Variants in LIN7A observed in about 807,000 individuals in gnomAD.
LIN7A encodes the protein lin-7 cell polarity scaffold A, also known as protein lin-7 homolog A.
Under a neutral mutation model 29.8 loss-of-function variants are expected in LIN7A, and 25 were observed. The observed-to-expected ratio is 0.84, with a 90% CI of 0.61 to 1.17. LIN7A has a LOEUF of 1.17. Ranked by LOEUF, LIN7A falls within the 50% of genes most tolerant of loss-of-function variation. LIN7A has a pLI of 0.00. For missense variants in LIN7A, 239 were observed against 287.0 expected (o/e 0.83, Z 1.21); for synonymous variants, 118 against 107.5 (o/e 1.10, Z -0.60).
chr12:80,869,760 T>C (rs1431305194), intron 2 of LIN7A, among the ~76,000 whole-genome samples: 4 of 150,538 alleles, frequency 2.7e-5, no homozygotes, highest in African/African-American at 1.0e-4. Context: ...TTTTTTTTTT[T>C]TCTTTTTTTG....
intron 1 of LIN7A, among the ~76,000 whole-genome samples, chr12:80,927,060 C>T (rs1377006437): frequency 2.0e-5 from 3 of 151,012 alleles, no homozygotes; most frequent in African/African-American, 7.3e-5. Flanking sequence ...TATCTTTCAT[C>T]ACATGCCTTT....
intron 1 of LIN7A, among the ~76,000 whole-genome samples, chr12:80,896,760 CA>C (rs1376773812): frequency 6.6e-6 from 1 of 151,958 alleles, no homozygotes; most frequent in Non-Finnish European, 1.5e-5. Flanking sequence ...AAGTGTATCA[CA>C]AAAAAAGTCT....
intron 2 of LIN7A, among the ~76,000 whole-genome samples, chr12:80,855,226 T>G (rs1873538851): frequency 6.6e-6 from 1 of 151,978 alleles, no homozygotes; most frequent in Non-Finnish European, 1.5e-5. Flanking sequence ...TCAGAGCAAA[T>G]GAAAGGACAC....
chr12:80,927,763 G>T (rs944651427), intron 1 of LIN7A, among the ~76,000 whole-genome samples: 2 of 152,026 alleles, frequency 1.3e-5, no homozygotes, highest in Non-Finnish European at 2.9e-5. Flanking sequence ...CAATGTGCAG[G>T]TTTGTTACAT....
chr12:80,924,779 A>G (rs1877494160), intron 1 of LIN7A, among the ~76,000 whole-genome samples: 1 of 152,202 alleles, frequency 6.6e-6, no homozygotes, highest in African/African-American at 2.4e-5. Context: ...TGATATCTGT[A>G]TATGATTAGC....
intron 2 of LIN7A, among the ~76,000 whole-genome samples, chr12:80,870,231 G>T (rs1874359682): frequency 1.3e-5 from 2 of 152,142 alleles, no homozygotes. Flanking sequence ...ATTATAAAAA[G>T]CTGGTCCTTC....
Position 80,845,941 on chromosome 12 carries a change from T to TA in LIN7A, c.274-3_274-2insT, listed in dbSNP as rs1565899626. 15 of 1,508,884 alleles carry TA rather than the reference T, an allele frequency of 9.9e-6. No individual in the cohort carries two copies. Among genetic ancestry groups the TA allele is most frequent in the Admixed American group, 4.7e-5 (2 of 42,892 alleles). The allele number at this position is 1,508,884 out of a possible 1,614,324, so 93.5% of individuals were successfully genotyped here. A position where few individuals can be genotyped will look rare whatever the true frequency, so the allele number is the denominator to read the frequency against. On this transcript the variant is annotated splice_region_variant and splice_polypyrimidine_tract_variant and intron_variant, in intron 3 of 5. Transcript: ENST00000552864. The stretch of plus-strand genomic sequence containing the variant: ...AGCTGCAAAAGCTGCAACTGTTGCC[T>TA]GAAAAAAAAAAAAAAAGATGGTCTT...
intron 4 of LIN7A, among the ~76,000 whole-genome samples, chr12:80,825,383 A>ATG (rs1311606985): frequency 1.3e-5 from 2 of 152,234 alleles, no homozygotes; most frequent in African/African-American, 4.8e-5. Context: ...CTGGTTTAAA[A>ATG]TGTGAAACTA....
At chr12:80,874,365 C>T (rs1267766905) in intron 2 of LIN7A, among the ~76,000 whole-genome samples, 2 of 152,118 alleles carry the variant, frequency 1.3e-5, no homozygotes, top group Non-Finnish European at 2.9e-5. Flanking sequence ...AAAGTTTGGA[C>T]TTAAAAATAC....
chr12:80,879,264 G>A (rs1002602339), intron 2 of LIN7A, among the ~76,000 whole-genome samples: 3 of 151,464 alleles, frequency 2.0e-5, no homozygotes, highest in Non-Finnish European at 4.4e-5. Context: ...TTATTTGGGG[G>A]TAGGAGGGGG....
intron 5 of LIN7A, among the ~76,000 whole-genome samples, chr12:80,799,379 G>A (rs1011667731): frequency 7.2e-5 from 11 of 152,098 alleles, no homozygotes; most frequent in Non-Finnish European, 1.3e-4. Context: ...GTGCCTCCTC[G>A]TCCACTAAAT....
chr12:80,856,343 A>C (rs1034367665), intron 2 of LIN7A, among the ~76,000 whole-genome samples: 12 of 152,208 alleles, frequency 7.9e-5, no homozygotes, highest in Admixed American at 7.9e-4. Flanking sequence ...TTAGGTCGAA[A>C]TGAGTTATAA....
chr12:80,900,107 G>A (rs1876133450), intron 1 of LIN7A, among the ~76,000 whole-genome samples: 1 of 151,892 alleles, frequency 6.6e-6, no homozygotes, highest in African/African-American at 2.4e-5. Flanking sequence ...TGGAGATGGT[G>A]GTAACATCCC....
chr12:80,924,253 A>C (rs761899459), intron 1 of LIN7A, among the ~76,000 whole-genome samples: 9 of 152,242 alleles, frequency 5.9e-5, no homozygotes, highest in Non-Finnish European at 1.2e-4. Flanking sequence ...TATATTAAAG[A>C]TGAAAGAAAT....
intron 2 of LIN7A, chr12:80,860,941 T>G (rs928175921): frequency 6.6e-6 from 1 of 152,218 alleles, no homozygotes; most frequent in Non-Finnish European, 1.5e-5. Flanking sequence ...TATGTTCAGG[T>G]GCTCACATTT....
chr12:80,853,351 CTT>C (rs1052393063), intron 2 of LIN7A, among the ~76,000 whole-genome samples: 155 of 150,660 alleles, frequency 1.0e-3, no homozygotes, highest in African/African-American at 3.5e-3. Flanking sequence ...AAAAGAAACT[CTT>C]TGAAAAACAC....
At chr12:80,827,570 C>T (rs1310446950) in intron 4 of LIN7A, among the ~76,000 whole-genome samples, 1 of 152,132 alleles carries the variant, frequency 6.6e-6, no homozygotes. Context: ...TCATGCAAAG[C>T]ACTTCCCATG....
intron 2 of LIN7A, among the ~76,000 whole-genome samples, chr12:80,873,194 G>C (rs988336951): frequency 9.2e-5 from 14 of 152,152 alleles, no homozygotes; most frequent in Non-Finnish European, 1.6e-4. Flanking sequence ...TCTATTTGGT[G>C]TTCCAGAAAG....
At chr12:80,866,950 C>T (rs1330167350) in intron 2 of LIN7A, among the ~76,000 whole-genome samples, 1 of 152,058 alleles carries the variant, frequency 6.6e-6, no homozygotes, top group Non-Finnish European at 1.5e-5. Flanking sequence ...TACTGGTTCC[C>T]ATGTCTCTCT....
Sources: gnomAD v4.1 joint callset for allele counts (sites outside exome capture counted in the v4.1 genomes callset) on GRCh38, gnomAD v4.1.1 for gene constraint, MANE v1.5 for transcripts, NCBI Gene and HGNC (gene_info 2026-07-23, HGNC 2026-07-21) for gene names.